The following SYK variants were observed in gnomAD, a reference collection of about 807,000 sequenced individuals.
SYK encodes tyrosine-protein kinase SYK.
SYK carries 16 observed loss-of-function variants against 77.8 expected under a neutral mutation model. That is an observed-to-expected ratio of 0.21 (90% confidence interval 0.14 to 0.31). The LOEUF (loss-of-function observed/expected upper bound fraction) is 0.31, where lower values mean the gene tolerates loss of function less well. SYK is among the 10% of genes least tolerant of loss of function. The pLI is 1.00. For missense variants in SYK, 529 were observed against 814.4 expected (o/e 0.65, Z 4.26); for synonymous variants, 312 against 308.7 (o/e 1.01, Z -0.11).
rs1006786329 is a variant in SYK at position 90,809,230 on chromosome 9, A to C, written c.-42+7337A>C. On this transcript the variant is annotated intron_variant, in intron 1 of 13. Transcript: ENST00000375754. ...GTCTGTCCTGCTTATTAGGATACCGAGGGTCCAAATTCATAGATTCTTAGA... is the reference window on the plus strand; with the variant it reads ...GTCTGTCCTGCTTATTAGGATACCGCGGGTCCAAATTCATAGATTCTTAGA... 9.2e-5 allele frequency among the ~76,000 whole-genome samples: 14 copies of C among 152,340 alleles called. No homozygotes were observed. The East Asian group carries it at 2.1e-3, about 23-fold the overall frequency.
intron 1 of SYK, among the ~76,000 whole-genome samples, chr9:90,835,945 G>A (rs1826065420): frequency 6.6e-6 from 1 of 152,126 alleles, no homozygotes; most frequent in East Asian, 1.9e-4. Flanking sequence ...AAGTTTTGAA[G>A]GTTTTTGACA....
intron 3 of SYK, among the ~76,000 whole-genome samples, chr9:90,859,917 A>G (rs1025773312): frequency 1.3e-5 from 2 of 152,244 alleles, no homozygotes; most frequent in Non-Finnish European, 2.9e-5. Context: ...GTCAATCAAG[A>G]CATAGGGTAA....
Position 90,893,589 on chromosome 9 carries a change from C to A in SYK, c.1836-1939C>A, listed in dbSNP as rs557842418. The stretch of plus-strand genomic sequence containing the variant: ...TTATTATGAGTAACAAAAGATGCTG[C>A]TTTCAGCCCAACAATCAGGAAATTC... On this transcript the variant is annotated intron_variant, in intron 13 of 13. Coordinates refer to ENST00000375754, the MANE Select transcript of SYK (RefSeq NM_003177.7). Among the ~76,000 whole-genome samples the A allele has an allele frequency of 6.1e-4, 93 of 152,272 alleles. 2 individuals carry two copies. In the South Asian group the frequency reaches 0.019, roughly 31 times the overall value.
Position 90,850,918 on chromosome 9 carries a change from T to C in SYK, c.578+5324T>C, listed in dbSNP as rs1351070290. Among the ~76,000 whole-genome samples the C allele has an allele frequency of 2.6e-5, 4 of 152,144 alleles. No homozygotes were observed. In the East Asian group the frequency reaches 7.7e-4, roughly 29 times the overall value. ...GATTATAAATCCTAGGTAATGCAGTTCAAAATGCAGATGATGGAAGCAGAT... is the reference window on the plus strand; with the variant it reads ...GATTATAAATCCTAGGTAATGCAGTCCAAAATGCAGATGATGGAAGCAGAT... On this transcript the variant is annotated intron_variant, in intron 3 of 13. Transcript: ENST00000375754.
At chr9:90,870,042 A>G (rs1827668763) in intron 7 of SYK, among the ~76,000 whole-genome samples, 1 of 152,200 alleles carries the variant, frequency 6.6e-6, no homozygotes, top group Admixed American at 6.5e-5. Context: ...TGGGAGGTGG[A>G]GATTGCAGAG....
intron 1 of SYK, among the ~76,000 whole-genome samples, chr9:90,810,181 G>A (rs2118291277): frequency 6.6e-6 from 1 of 152,266 alleles, no homozygotes; most frequent in East Asian, 1.9e-4. Flanking sequence ...ACAGCCCAAT[G>A]TGTCGCCTCC....
chr9:90,841,080 T>G (rs1826294654), intron 1 of SYK, among the ~76,000 whole-genome samples: 1 of 151,882 alleles, frequency 6.6e-6, no homozygotes, highest in Non-Finnish European at 1.5e-5. Flanking sequence ...TACTATGGTG[T>G]GTGTGTGGCA....
chr9:90,814,682 T>G (rs1190581074), intron 1 of SYK, among the ~76,000 whole-genome samples: 1 of 152,124 alleles, frequency 6.6e-6, no homozygotes, highest in Non-Finnish European at 1.5e-5. Context: ...CAGCTCCCAA[T>G]TTTCTTAAGA....
chr9:90,870,720 A>C (rs1258249216), intron 7 of SYK, among the ~76,000 whole-genome samples: 1 of 152,174 alleles, frequency 6.6e-6, no homozygotes, highest in African/African-American at 2.4e-5. Flanking sequence ...GTGGGGGTCT[A>C]CTGAACCAGG....
chr9:90,870,929 G>A (rs887568799), intron 7 of SYK, among the ~76,000 whole-genome samples: 18 of 152,158 alleles, frequency 1.2e-4, no homozygotes, highest in African/African-American at 4.1e-4. Flanking sequence ...TAGGACACTT[G>A]GCAATACTCT....
At chr9:90,870,778 T>C (rs557263014) in intron 7 of SYK, among the ~76,000 whole-genome samples, 1 of 152,268 alleles carries the variant, frequency 6.6e-6, no homozygotes, top group African/African-American at 2.4e-5. Context: ...TTGCAGCCAA[T>C]ATTTCTAAAG....
At chr9:90,836,417 T>C (rs1248714109) in intron 1 of SYK, among the ~76,000 whole-genome samples, 2 of 152,142 alleles carry the variant, frequency 1.3e-5, no homozygotes, top group Admixed American at 6.5e-5. Context: ...TTATCAAAAC[T>C]TACACATAAA....
At chr9:90,867,094 A>G in intron 6 of SYK, 37 bp from the exon 7 acceptor site, 3 of 1,612,120 alleles carry the variant, frequency 1.9e-6, no homozygotes, top group Non-Finnish European at 2.5e-6. Flanking sequence ...TGTTTTCTGA[A>G]ACATTTACTG....
intron 3 of SYK, among the ~76,000 whole-genome samples, chr9:90,846,393 G>A (rs1826595734): frequency 6.6e-6 from 1 of 152,202 alleles, no homozygotes; most frequent in Admixed American, 6.5e-5. Context: ...CTCATGGTTT[G>A]GCAATTGGTG....
At chr9:90,828,602 G>A (rs1825765582) in intron 1 of SYK, among the ~76,000 whole-genome samples, 1 of 152,136 alleles carries the variant, frequency 6.6e-6, no homozygotes, top group Non-Finnish European at 1.5e-5. Flanking sequence ...AGCATGCAAG[G>A]GACATTGCTA....
chr9:90,821,416 G>A (rs1825510806), intron 1 of SYK, among the ~76,000 whole-genome samples: 1 of 152,224 alleles, frequency 6.6e-6, no homozygotes, highest in Admixed American at 6.5e-5. Flanking sequence ...GGAGGTGAAA[G>A]GCACTTCTTA....
intron 1 of SYK, among the ~76,000 whole-genome samples, chr9:90,811,675 TG>T (rs780807686): frequency 2.0e-4 from 30 of 151,890 alleles, no homozygotes; most frequent in Non-Finnish European, 3.7e-4. Flanking sequence ...TCCAGCACTT[TG>T]GGAAGCCAAG....
At chr9:90,877,469 C>T in intron 9 of SYK, 102 bp from the exon 10 acceptor site, 5 of 1,323,820 alleles carry the variant, frequency 3.8e-6, no homozygotes, top group East Asian at 2.5e-5. Context: ...GCAGGTATTT[C>T]CGTGGGACTG....
Position 90,830,119 on chromosome 9 carries a change from A to G in SYK, c.-41-13739A>G, listed in dbSNP as rs531651699. Among the ~76,000 whole-genome samples, 40 of 152,376 alleles carry G rather than the reference A, an allele frequency of 2.6e-4. No homozygotes were observed. In the East Asian group the frequency reaches 7.3e-3, roughly 28 times the overall value. On this transcript the variant is annotated intron_variant, in intron 1 of 13. Transcript: ENST00000375754. ...TTGTGTTTCTGAATTGTGTATCTCT[A>G]TATACTAAGAAGTCCCCCATGTATG...
Sources: allele counts gnomAD v4.1 joint callset (sites outside exome capture counted in the v4.1 genomes callset), GRCh38; gene constraint gnomAD v4.1.1; transcripts MANE v1.5; gene names NCBI Gene and HGNC (gene_info 2026-07-23, HGNC 2026-07-21).